The following CNTNAP2 variants were observed in gnomAD, a reference collection of about 807,000 sequenced individuals.
CNTNAP2 encodes contactin associated protein 2.
CNTNAP2 carries 98 observed loss-of-function variants against 155.2 expected under a neutral mutation model. That is an observed-to-expected ratio of 0.63 (90% CI 0.54 to 0.75). The LOEUF (loss-of-function observed/expected upper bound fraction) is 0.75. Ranked by LOEUF, CNTNAP2 falls within the 30% of genes least tolerant of loss-of-function variation. CNTNAP2 has a pLI of 0.00. For synonymous variants in CNTNAP2, 651 were observed against 631.2 expected, an observed-to-expected ratio of 1.03 and a Z score of -0.47; for missense variants, 1,727 against 1,688.1, an observed-to-expected ratio of 1.02 and a Z score of -0.40.
intron 13 of CNTNAP2, among the ~76,000 whole-genome samples, chr7:147,857,012 G>A (rs1351542178): frequency 1.3e-5 from 2 of 152,168 alleles, no homozygotes; most frequent in Admixed American, 6.5e-5. Flanking sequence ...AGAGACAGAG[G>A]CTGGGACAAA....
At chr7:146,728,069 G>A (rs1458708648) in intron 1 of CNTNAP2, among the ~76,000 whole-genome samples, 1 of 152,154 alleles carries the variant, frequency 6.6e-6, no homozygotes, top group East Asian at 1.9e-4. Flanking sequence ...GCATGCTCAG[G>A]AAGCACGCTG....
chr7:147,443,478 T>C (rs772800735), intron 10 of CNTNAP2, among the ~76,000 whole-genome samples: 2 of 152,114 alleles, frequency 1.3e-5, no homozygotes, highest in Non-Finnish European at 2.9e-5. Flanking sequence ...TCCTTCTGAG[T>C]GACTCTTTCA....
In CNTNAP2 at chr7:146,836,753, T is replaced by C. The variant is rs147217061; in HGVS notation, c.209-2958T>C. ...CATGTAAATATGAGTTTCAAAATGG[T>C]AAACTTCCCTTAAGGTGAAAAACTT... On this transcript the variant is annotated intron_variant, in intron 2 of 23. Transcript: ENST00000361727. 1.9e-3 allele frequency among the ~76,000 whole-genome samples: 295 copies of C among 152,302 alleles called. 1 individual carries two copies. The highest frequency in any genetic ancestry group is 6.6e-3 in the African/African-American group (273 of 41,592).
chr7:147,444,642 T>A (rs1171639873), intron 10 of CNTNAP2, among the ~76,000 whole-genome samples: 1 of 152,052 alleles, frequency 6.6e-6, no homozygotes, highest in Non-Finnish European at 1.5e-5. Flanking sequence ...GGGGTTGCTC[T>A]GCATAGATTA....
In CNTNAP2 at chr7:147,869,060, A is replaced by G. The variant is rs372924901; in HGVS notation, c.2099-34505A>G. On this transcript the variant is annotated intron_variant, in intron 13 of 23. Transcript: ENST00000361727. Reference sequence around the variant, plus strand: ...ATCATCCATCTTCTGCATCGATCACACTGGGTGCTGCGGACCAGAACTGTT... The same window carrying G: ...ATCATCCATCTTCTGCATCGATCACGCTGGGTGCTGCGGACCAGAACTGTT... 3.2e-4 allele frequency among the ~76,000 whole-genome samples: 49 copies of G among 152,306 alleles called. 1 individual carries two copies. Among genetic ancestry groups the G allele is most frequent in the African/African-American group, 1.0e-3 (42 of 41,576 alleles).
intron 1 of CNTNAP2, among the ~76,000 whole-genome samples, chr7:146,320,687 T>C (rs2129092390): frequency 6.6e-6 from 1 of 152,310 alleles, no homozygotes; most frequent in East Asian, 1.9e-4. Context: ...GGAGTAGTCA[T>C]CTGATTATAC....
intron 13 of CNTNAP2, among the ~76,000 whole-genome samples, chr7:147,876,532 A>G (rs1396887627): frequency 6.6e-6 from 1 of 152,186 alleles, no homozygotes; most frequent in Non-Finnish European, 1.5e-5. Flanking sequence ...AACACCAGAT[A>G]ATGGGTAAAG....
chr7:147,383,169 C>T (rs1796566322), intron 9 of CNTNAP2, among the ~76,000 whole-genome samples: 1 of 152,104 alleles, frequency 6.6e-6, no homozygotes, highest in African/African-American at 2.4e-5. Flanking sequence ...AGGTCTCTGA[C>T]CGGCAGTTTA....
At position 147,495,679 on chromosome 7, in the gene CNTNAP2, C is replaced by G. The variant is rs534197006; in HGVS notation, c.1777+9638C>G. Among the ~76,000 whole-genome samples, 5 of 152,152 alleles carry G rather than the reference C, an allele frequency of 3.3e-5. No homozygotes were observed. In the South Asian group the frequency reaches 6.2e-4, roughly 19 times the overall value. On this transcript the variant is annotated intron_variant, in intron 11 of 23. Coordinates refer to ENST00000361727, the MANE Select transcript of CNTNAP2 (RefSeq NM_014141.6). ...GATTTGAATCATGGGTGAAGCTGGC[C>G]CAGAAGACAGTGGTTTTTCAGCACC...
At chr7:147,269,156 TCTC>T (rs907855674) in intron 8 of CNTNAP2, among the ~76,000 whole-genome samples, 15 of 152,262 alleles carry the variant, frequency 9.9e-5, no homozygotes, top group Admixed American at 1.3e-4. Context: ...TGCAGTAAAT[TCTC>T]CTCTGTTTGG....
At chr7:148,229,490 A>C (rs1357841123) in intron 19 of CNTNAP2, among the ~76,000 whole-genome samples, 156 bp from the exon 20 acceptor site, 1 of 152,116 alleles carries the variant, frequency 6.6e-6, no homozygotes, top group African/African-American at 2.4e-5. Context: ...GCACCATTGC[A>C]CTCCAGCCTG....
At chr7:147,460,137 AAAAG>A (rs1044593643) in intron 10 of CNTNAP2, among the ~76,000 whole-genome samples, 16 of 152,156 alleles carry the variant, frequency 1.1e-4, no homozygotes, top group African/African-American at 1.4e-4. Context: ...AACTTAAAAA[AAAAG>A]AAAGAAGAGG....
Position 147,738,561 on chromosome 7 carries a change from A to T in CNTNAP2, c.2098+99255A>T, listed in dbSNP as rs537689514. 7.2e-5 allele frequency among the ~76,000 whole-genome samples: 11 copies of T among 152,296 alleles called. No homozygotes were observed. The South Asian group carries it at 2.3e-3, about 32-fold the overall frequency. Reference sequence around the variant, plus strand: ...AAATAATCATTGGCATTTTTTTAGCAATGAAGCATTTTTTAAATTAAGGTA... The same window carrying T: ...AAATAATCATTGGCATTTTTTTAGCTATGAAGCATTTTTTAAATTAAGGTA... On this transcript the variant is annotated intron_variant, in intron 13 of 23. Coordinates refer to ENST00000361727, the MANE Select transcript of CNTNAP2 (RefSeq NM_014141.6).
Position 148,172,370 on chromosome 7 carries a change from A to T in CNTNAP2, c.2902A>T (p.Thr968Ser), listed in dbSNP as rs773911328. 2 of 1,614,158 alleles carry T rather than the reference A, an allele frequency of 1.2e-6. No homozygotes were observed. The highest frequency in any genetic ancestry group is 1.6e-4 in the Middle Eastern group (1 of 6,062). ...CATATCCGGATGCTCGGGCCATTGC[A>T]CCAGCTATGGAACAAACTGTGAAAA... is the stretch of plus-strand genomic sequence containing the variant. ...GFISGCSGHC[T>S]SYGTNCENGG... The change falls in exon 18 of 24, where the codon ACC (threonine) becomes TCC (serine). Residue 968 changes from threonine (T) to serine (S), a missense_variant. Coordinates refer to ENST00000361727, the MANE Select transcript of CNTNAP2 (RefSeq NM_014141.6).
intron 3 of CNTNAP2, among the ~76,000 whole-genome samples, chr7:147,002,083 G>A (rs966803844): frequency 6.6e-6 from 1 of 151,718 alleles, no homozygotes; most frequent in African/African-American, 2.4e-5. Flanking sequence ...ATAATAGGTA[G>A]GGTAATAAAG....
intron 8 of CNTNAP2, among the ~76,000 whole-genome samples, chr7:147,243,107 C>T (rs530329686): frequency 2.8e-5 from 4 of 141,464 alleles, no homozygotes; most frequent in Non-Finnish European, 6.0e-5. Flanking sequence ...AAGTGATTCC[C>T]GTGCCTCAGC....
At chr7:147,828,968 G>T (rs988233409) in intron 13 of CNTNAP2, among the ~76,000 whole-genome samples, 1 of 152,062 alleles carries the variant, frequency 6.6e-6, no homozygotes, top group Non-Finnish European at 1.5e-5. Context: ...TGCTAGGCAC[G>T]AGTTTTCCTT....
chr7:146,578,416 C>T (rs2129147278), intron 1 of CNTNAP2, among the ~76,000 whole-genome samples: 1 of 152,196 alleles, frequency 6.6e-6, no homozygotes, highest in Non-Finnish European at 1.5e-5. Context: ...GCATGTTGTT[C>T]ATCCTCAGCT....
chr7:147,980,740 C>T (rs957568805), intron 15 of CNTNAP2, among the ~76,000 whole-genome samples: 17 of 147,682 alleles, frequency 1.2e-4, no homozygotes, highest in East Asian at 6.0e-4. Flanking sequence ...CTGGCTAACG[C>T]GGTGAAACCC....
Sources: gnomAD v4.1 joint callset for allele counts (sites outside exome capture counted in the v4.1 genomes callset) on GRCh38, gnomAD v4.1.1 for gene constraint, MANE v1.5 for transcripts, NCBI Gene and HGNC (gene_info 2026-07-23, HGNC 2026-07-21) for gene names.